Variants in CLASP1 observed in about 807,000 individuals in gnomAD.
CLASP1 encodes the protein CLIP-associating protein 1.
In CLASP1, 38 loss-of-function variants were observed where a neutral mutation model predicts 192.3. That is an observed-to-expected ratio of 0.20 (90% CI 0.15 to 0.26). The LOEUF (loss-of-function observed/expected upper bound fraction) is 0.26. Among genes scored for constraint, CLASP1 ranks in the 10% least tolerant of loss-of-function variants. CLASP1 has a pLI of 1.00. For missense variants in CLASP1, 1,433 were observed against 1,932.5 expected, an observed-to-expected ratio of 0.74 and a Z score of 4.85; for synonymous variants, 691 against 712.8, an observed-to-expected ratio of 0.97 and a Z score of 0.49.
intron 1 of CLASP1, among the ~76,000 whole-genome samples, chr2:121,630,734 G>A (rs568340513): frequency 4.6e-5 from 7 of 151,916 alleles, no homozygotes; most frequent in African/African-American, 1.7e-4. Flanking sequence ...CATGGTGGTG[G>A]ATGCCTGTAA....
At chr2:121,435,296 CAG>C (rs1479784925) in intron 19 of CLASP1, among the ~76,000 whole-genome samples, 1 of 151,902 alleles carries the variant, frequency 6.6e-6, no homozygotes, top group Non-Finnish European at 1.5e-5. Flanking sequence ...TTTTTTGAGG[CAG>C]AGTTTCGTTC....
In CLASP1 at chr2:121,530,115, G is replaced by A. The variant is rs559228731; in HGVS notation, c.274+132C>T. ...GAGGGCGGGGACTGGCTGTTTGGGA[G>A]GAGCGGAAGGGAGGGAGAGGGGGCT... is the stretch of plus-strand genomic sequence containing the variant. On this transcript the variant is annotated intron_variant, in intron 3 of 39. Transcript: ENST00000263710. 163 of 716,808 alleles carry A rather than the reference G, an allele frequency of 2.3e-4. No homozygotes were observed. The African/African-American group carries it at 2.7e-3, about 12-fold the overall frequency. 44.4% of individuals were successfully genotyped at this position (716,808 alleles called of 1,614,324 possible).
intron 21 of CLASP1, among the ~76,000 whole-genome samples, chr2:121,426,227 A>G (rs1358699989): frequency 6.6e-6 from 1 of 152,234 alleles, no homozygotes; most frequent in Non-Finnish European, 1.5e-5. Flanking sequence ...TTTAAAAGTC[A>G]AACAATACAC....
At chr2:121,380,257 C>T (rs1234422849) in intron 33 of CLASP1, among the ~76,000 whole-genome samples, 2 of 152,164 alleles carry the variant, frequency 1.3e-5, no homozygotes, top group Non-Finnish European at 2.9e-5. Context: ...AGCAGCAGGA[C>T]GGCCTCAGAA....
At chr2:121,541,463 C>G (rs749585300) in intron 2 of CLASP1, among the ~76,000 whole-genome samples, 1 of 152,152 alleles carries the variant, frequency 6.6e-6, no homozygotes, top group Non-Finnish European at 1.5e-5. Flanking sequence ...AATGACCAAA[C>G]TGCAAATAAG....
At position 121,505,099 on chromosome 2, in the gene CLASP1, A is replaced by C. The variant is rs925405858; in HGVS notation, c.645-1865T>G. 1.3e-4 allele frequency: 20 copies of C among 152,218 alleles called. 1 individual carries two copies. Among genetic ancestry groups the C allele is most frequent in the Admixed American group, 1.0e-3 (16 of 15,284 alleles). 9.4% of individuals were successfully genotyped at this position (152,218 alleles called of 1,614,324 possible). Reference sequence around the variant, plus strand: ...TGCCAGGGCATGCCCTCACTAAGGCACTACTTGATTGTGTCACAACCACAC... The same window carrying C: ...TGCCAGGGCATGCCCTCACTAAGGCCCTACTTGATTGTGTCACAACCACAC... On this transcript the variant is annotated intron_variant, in intron 7 of 39. Coordinates refer to ENST00000263710, the Ensembl canonical transcript of CLASP1.
At chr2:121,559,439 A>G (rs772832259) in intron 2 of CLASP1, among the ~76,000 whole-genome samples, 2 of 152,208 alleles carry the variant, frequency 1.3e-5, no homozygotes, top group Non-Finnish European at 1.5e-5. Flanking sequence ...TGAAAACAAC[A>G]TAATATCCAA....
In CLASP1 at chr2:121,346,880, T is replaced by C. The variant is rs370596324; in HGVS notation, c.4530+158A>G. Among the ~76,000 whole-genome samples, 8 of 152,352 alleles carry C rather than the reference T, an allele frequency of 5.3e-5. No individual in the cohort carries two copies. The South Asian group carries it at 1.2e-3, about 24-fold the overall frequency. The stretch of plus-strand genomic sequence containing the variant: ...ACCTTAAACTGATTTCACTGTATAG[T>C]TCATTTTTATATTTAGAAAAATCCT... On this transcript the variant is annotated intron_variant, in intron 39 of 39. Coordinates refer to ENST00000263710, the Ensembl canonical transcript of CLASP1.
chr2:121,612,536 G>A (rs959462615), intron 1 of CLASP1, among the ~76,000 whole-genome samples: 4 of 151,876 alleles, frequency 2.6e-5, no homozygotes, highest in African/African-American at 9.7e-5. Context: ...AAGAGAAGGA[G>A]AAAAAGAAGA....
chr2:121,625,713 C>G (rs914795892), intron 1 of CLASP1, among the ~76,000 whole-genome samples: 1 of 151,682 alleles, frequency 6.6e-6, no homozygotes, highest in South Asian at 2.1e-4. Context: ...GCATTACAAG[C>G]ATGAGCCACC....
At chr2:121,649,243 T>G (rs749017195) in intron 1 of CLASP1, 129 bp downstream of exon 1, 3 of 152,198 alleles carry the variant, frequency 2.0e-5, no homozygotes, top group Non-Finnish European at 4.4e-5. Flanking sequence ...CCCCCCAAAG[T>G]GCACCCAAGA....
At chr2:121,397,216 T>A in exon 30 of CLASP1, 1 of 1,613,770 alleles carries the variant, frequency 6.2e-7, no homozygotes, top group Non-Finnish European at 8.5e-7. Flanking sequence ...CTCACTAGAG[T>A]TTACAAAATC....
chr2:121,559,320 A>G (rs1299004740), intron 2 of CLASP1, among the ~76,000 whole-genome samples: 1 of 152,200 alleles, frequency 6.6e-6, no homozygotes, highest in Admixed American at 6.5e-5. Context: ...TAAAATTACC[A>G]TATGTCTCAT....
intron 34 of CLASP1, among the ~76,000 whole-genome samples, chr2:121,377,125 A>G (rs1431807798): frequency 6.6e-6 from 1 of 152,214 alleles, no homozygotes; most frequent in Non-Finnish European, 1.5e-5. Flanking sequence ...CCTGGTGCCA[A>G]AAAGGTTGGG....
At chr2:121,629,616 C>T (rs910698943) in intron 1 of CLASP1, among the ~76,000 whole-genome samples, 1 of 151,556 alleles carries the variant, frequency 6.6e-6, no homozygotes, top group Non-Finnish European at 1.5e-5. Context: ...CATGGTGAAA[C>T]CCCATGTCTA....
intron 6 of CLASP1, among the ~76,000 whole-genome samples, chr2:121,522,405 G>A (rs2104582945): frequency 1.3e-5 from 2 of 152,244 alleles, no homozygotes; most frequent in Non-Finnish European, 2.9e-5. Context: ...CCAAACTCCT[G>A]ACCAAAGCCT....
At chr2:121,465,433 T>C (rs535667510) in intron 9 of CLASP1, among the ~76,000 whole-genome samples, 3 of 152,122 alleles carry the variant, frequency 2.0e-5, no homozygotes, top group Admixed American at 2.0e-4. Context: ...GCTTCAAAGA[T>C]AATAAAATAC....
chr2:121,609,917 A>C (rs1032157170), intron 1 of CLASP1, among the ~76,000 whole-genome samples: 3 of 152,222 alleles, frequency 2.0e-5, no homozygotes, highest in Non-Finnish European at 4.4e-5. Context: ...CCAGCCTGGC[A>C]ACAGAGAGAG....
At chr2:121,464,156 C>G (rs10200065) in intron 9 of CLASP1, among the ~76,000 whole-genome samples, 1 of 151,826 alleles carries the variant, frequency 6.6e-6, no homozygotes, top group African/African-American at 2.4e-5. Flanking sequence ...TCATCCATGT[C>G]CCTACAAAGG....
Sources: allele counts gnomAD v4.1 joint callset (sites outside exome capture counted in the v4.1 genomes callset), GRCh38; gene constraint gnomAD v4.1.1; transcripts MANE v1.5; gene names NCBI Gene and HGNC (gene_info 2026-07-23, HGNC 2026-07-21).